Variants in MCRIP1 observed in about 807,000 individuals in gnomAD.
MCRIP1 encodes mapk-regulated corepressor-interacting protein 1.
In MCRIP1, 10 loss-of-function variants were observed where a neutral mutation model predicts 14.4. The ratio of observed to expected loss-of-function variants is 0.70; its 90% CI spans 0.43 to 1.18. The LOEUF is 1.18. Among genes scored for constraint, MCRIP1 ranks in the 50% most tolerant of loss-of-function variants. MCRIP1 has a pLI of 0.00. For synonymous variants in MCRIP1, 53 were observed against 55.7 expected (o/e 0.95, Z 0.21); for missense variants, 119 against 135.4 (o/e 0.88, Z 0.60).
Position 81,823,145 on chromosome 17 carries a change from T to A in MCRIP1, c.*102A>T. On this transcript the variant is annotated 3_prime_UTR_variant, in exon 5 of 5. Coordinates refer to ENST00000455127, the MANE Select transcript of MCRIP1 (RefSeq NM_207368.5). The surrounding 1 kb of genome is among the most constrained non-coding windows in gnomAD (Gnocchi z 6.0). Reference sequence around the variant, plus strand: ...GCCAGTGCTGGGATCTGCAGCCCGCTGGAGCAAGGCACCCCCATCCCAGGG... The same window carrying A: ...GCCAGTGCTGGGATCTGCAGCCCGCAGGAGCAAGGCACCCCCATCCCAGGG... The A allele has an allele frequency of 8.7e-7, 1 of 1,146,912 alleles. No individual in the cohort carries two copies. The highest frequency in any genetic ancestry group is 1.3e-6 in the Non-Finnish European group (1 of 794,926). 71.0% of individuals were successfully genotyped at this position (1,146,912 alleles called of 1,614,324 possible).
rs7215171 is a variant in MCRIP1 at position 81,824,017 on chromosome 17, G to A, written c.127+270C>T. 3.9e-3 allele frequency among the ~76,000 whole-genome samples: 596 copies of A among 152,258 alleles called. 5 individuals are homozygous for A. The highest frequency in any genetic ancestry group is 0.014 in the African/African-American group (568 of 41,546). On this transcript the variant is annotated intron_variant, in intron 3 of 4. Transcript: ENST00000455127. ...AGCATGGATGACTGGCTCCCAGTGC[G>A]GCCTCTATCTGTGGCATGGCCCACC...
At chr17:81,824,776 G>GAC in intron 1 of MCRIP1, 3 of 1,418,532 alleles carry the variant, frequency 2.1e-6, no homozygotes, top group South Asian at 3.1e-5. Flanking sequence ...AGACGAGCCA[G>GAC]ACACACACAC....
intron 1 of MCRIP1, among the ~76,000 whole-genome samples, chr17:81,829,133 C>A (rs1460023246): frequency 6.6e-6 from 1 of 152,174 alleles, no homozygotes; most frequent in Non-Finnish European, 1.5e-5. Context: ...CCGGGGGCAG[C>A]CGGAAAAGAC....
chr17:81,828,577 G>A (rs1457671795), intron 1 of MCRIP1, among the ~76,000 whole-genome samples: 3 of 152,098 alleles, frequency 2.0e-5, no homozygotes, highest in South Asian at 2.1e-4. Context: ...AAGAGCCACC[G>A]CAGAAGGGTA....
Position 81,823,762 on chromosome 17 carries a change from C to T in MCRIP1, c.128-249G>A, listed in dbSNP as rs563567844. 15 of 593,092 alleles carry T rather than the reference C, an allele frequency of 2.5e-5. No homozygotes were observed. In the Admixed American group the frequency reaches 4.3e-4, roughly 17 times the overall value. The allele number at this position is 593,092 out of a possible 1,614,324, so 36.7% of individuals were successfully genotyped here. A position where few individuals can be genotyped will look rare whatever the true frequency, so the allele number is the denominator to read the frequency against. On this transcript the variant is annotated intron_variant, in intron 3 of 4. Transcript: ENST00000455127. This position sits in a 1 kb window ranked among gnomAD's most constrained non-coding sequence, Gnocchi z 6.0. ...ACTGTGGTCAGAGGGACCCCTATGA[C>T]CCTACCCCAGGCTTCCCTGCGCCTC...
At chr17:81,824,209 G>T in intron 3 of MCRIP1, 78 bp downstream of exon 3, 1 of 1,201,708 alleles carries the variant, frequency 8.3e-7, no homozygotes, top group Non-Finnish European at 1.2e-6. Context: ...AGGTTCCTCG[G>T]AGCGTGGGTC....
At chr17:81,825,901 AT>A (rs780351591) in intron 1 of MCRIP1, 1 of 1,292,340 alleles carries the variant, frequency 7.7e-7, no homozygotes, top group African/African-American at 1.5e-5. Flanking sequence ...CCACAGGGAC[AT>A]GCTGCCTGCT....
rs564522654 is a variant in MCRIP1 at position 81,829,995 on chromosome 17, C to T, written c.-49+3243G>A. ...GCTGCTCCACTCCTGCCCCAACAGC[C>T]TTTGCCACAGGACTACCTGCCACCA... On this transcript the variant is annotated intron_variant, in intron 1 of 4. Coordinates refer to ENST00000455127, the MANE Select transcript of MCRIP1 (RefSeq NM_207368.5). 8.3e-4 allele frequency among the ~76,000 whole-genome samples: 127 copies of T among 152,384 alleles called. 1 individual carries two copies. The highest frequency in any genetic ancestry group is 1.6e-3 in the Non-Finnish European group (107 of 68,040).
Position 81,823,644 on chromosome 17 carries a change from C to A in MCRIP1, c.128-131G>T. On this transcript the variant is annotated intron_variant, in intron 3 of 4. Transcript: ENST00000455127. The surrounding 1 kb of genome is among the most constrained non-coding windows in gnomAD (Gnocchi z 6.0). Reference sequence around the variant, plus strand: ...CCCTCAGAAGTGTCCTCCATGCTCCCCCACAGCCCTCTGCCCACCCCAGCC... The same window carrying A: ...CCCTCAGAAGTGTCCTCCATGCTCCACCACAGCCCTCTGCCCACCCCAGCC... The A allele has an allele frequency of 1.3e-6, 1 of 753,996 alleles. No homozygotes were observed. The highest frequency in any genetic ancestry group is 2.2e-6 in the Non-Finnish European group (1 of 457,016). 46.7% of individuals were successfully genotyped at this position (753,996 alleles called of 1,614,324 possible). A position where few individuals can be genotyped will look rare whatever the true frequency, so the allele number is the denominator to read the frequency against.
intron 1 of MCRIP1, among the ~76,000 whole-genome samples, chr17:81,826,817 CAAAAA>C (rs1169330913): frequency 2.1e-5 from 1 of 47,048 alleles, no homozygotes; most frequent in Non-Finnish European, 4.2e-5. Context: ...GACTCCATCT[CAAAAA>C]AAAAAAAAAA....
chr17:81,826,751 G>A (rs542165575), intron 1 of MCRIP1: 3 of 207,640 alleles, frequency 1.4e-5, no homozygotes, highest in South Asian at 7.8e-5. Context: ...CCCGGGAGGT[G>A]GAGGTGCAGT....
At position 81,832,622 on chromosome 17, in the gene MCRIP1, C is replaced by T. The variant is rs557291913; in HGVS notation, c.-49+616G>A. Reference sequence around the variant, plus strand: ...CTGAAAGACCACCTTCCTGCGACGGCTACCCAGGGGCAGGAGGGAGAGAAG... The same window carrying T: ...CTGAAAGACCACCTTCCTGCGACGGTTACCCAGGGGCAGGAGGGAGAGAAG... On this transcript the variant is annotated intron_variant, in intron 1 of 4. Coordinates refer to ENST00000455127, the MANE Select transcript of MCRIP1 (RefSeq NM_207368.5). 7.2e-5 allele frequency among the ~76,000 whole-genome samples: 11 copies of T among 152,384 alleles called. No homozygotes were observed. The East Asian group carries it at 2.1e-3, about 29-fold the overall frequency.
At chr17:81,824,982 C>T in intron 1 of MCRIP1, 1 of 1,059,526 alleles carries the variant, frequency 9.4e-7, no homozygotes. Flanking sequence ...GCTAACTGAC[C>T]CTGCTCTCCC....
At chr17:81,831,352 A>C (rs2038513589) in intron 1 of MCRIP1, among the ~76,000 whole-genome samples, 1 of 150,960 alleles carries the variant, frequency 6.6e-6, no homozygotes, top group Non-Finnish European at 1.5e-5. Flanking sequence ...ATCTCAAAAC[A>C]AACAACAAAC....
chr17:81,824,725 G>A, intron 1 of MCRIP1, 171 bp from the exon 2 acceptor site: 2 of 1,447,534 alleles, frequency 1.4e-6, no homozygotes, highest in Non-Finnish European at 1.8e-6. Context: ...CAGGCAGCCA[G>A]TGGGCTCCAG....
At chr17:81,832,572 A>G (rs2038541187) in intron 1 of MCRIP1, among the ~76,000 whole-genome samples, 2 of 152,158 alleles carry the variant, frequency 1.3e-5, no homozygotes, top group South Asian at 4.1e-4. Flanking sequence ...GCCCAAAACT[A>G]TCCTACTCAT....
At chr17:81,827,096 C>G (rs1405900255) in intron 1 of MCRIP1, among the ~76,000 whole-genome samples, 1 of 147,406 alleles carries the variant, frequency 6.8e-6, no homozygotes, top group South Asian at 2.2e-4. Flanking sequence ...CCAGCTTGGG[C>G]GACAGAGCAA....
intron 1 of MCRIP1, among the ~76,000 whole-genome samples, chr17:81,829,034 T>C (rs1430882016): frequency 2.6e-5 from 4 of 152,148 alleles, no homozygotes; most frequent in African/African-American, 9.7e-5. Context: ...CATCCATGCA[T>C]GGGGTCCCTG....
intron 1 of MCRIP1, among the ~76,000 whole-genome samples, chr17:81,832,299 AG>A (rs1354222016): frequency 1.3e-5 from 2 of 152,140 alleles, no homozygotes; most frequent in Non-Finnish European, 2.9e-5. Context: ...AAGACCGCCC[AG>A]GGAAAGCCTC....
Sources: allele counts gnomAD v4.1 joint callset (sites outside exome capture counted in the v4.1 genomes callset), GRCh38; gene constraint gnomAD v4.1.1; non-coding constraint Gnocchi (gnomAD v3.1); transcripts MANE v1.5; gene names NCBI Gene and HGNC (gene_info 2026-07-23, HGNC 2026-07-21).